The following ZSCAN30 variants were observed in gnomAD, a reference collection of about 807,000 sequenced individuals.
ZSCAN30 encodes zinc finger and SCAN domain containing 30.
In ZSCAN30, 37 loss-of-function variants were observed where a neutral mutation model predicts 44.3. The observed-to-expected ratio is 0.84, with a 90% CI of 0.64 to 1.10. The LOEUF (loss-of-function observed/expected upper bound fraction) is 1.10, where lower values mean the gene tolerates loss of function less well. ZSCAN30 is among the 50% of genes least tolerant of loss of function. ZSCAN30 has a pLI of 0.00. For missense variants in ZSCAN30, 549 were observed against 582.6 expected (o/e 0.94, Z 0.59); for synonymous variants, 181 against 204.6 (o/e 0.88, Z 0.98).
At chr18:35,280,540 A>T in intron 1 of ZSCAN30, among the ~76,000 whole-genome samples, 1 of 152,192 alleles carries the variant, frequency 6.6e-6, no homozygotes, top group East Asian at 1.9e-4. Flanking sequence ...AACTTTAAAG[A>T]TCTTGGGGAA....
chr18:35,264,971 C>A (rs545134026), intron 1 of ZSCAN30, among the ~76,000 whole-genome samples: 1 of 151,870 alleles, frequency 6.6e-6, no homozygotes, highest in Non-Finnish European at 1.5e-5. Context: ...ATGGTGAAAC[C>A]CCATCTCTAC....
chr18:35,273,810 T>C (rs1186561634), intron 1 of ZSCAN30, among the ~76,000 whole-genome samples: 1 of 152,254 alleles, frequency 6.6e-6, no homozygotes, highest in African/African-American at 2.4e-5. Context: ...AGCTTCTGGT[T>C]TTCCATCAAA....
At chr18:35,263,761 AT>A in intron 2 of ZSCAN30, 104 bp from the exon 3 acceptor site, 1 of 1,452,712 alleles carries the variant, frequency 6.9e-7, no homozygotes, top group Non-Finnish European at 9.4e-7. Flanking sequence ...CATTCAAATG[AT>A]TAGAGAGAAA....
intron 1 of ZSCAN30, chr18:35,281,852 T>C (rs1181182651): frequency 6.6e-6 from 1 of 150,824 alleles, no homozygotes; most frequent in Non-Finnish European, 1.5e-5. Context: ...GTTCCCAATG[T>C]AAGTCTCATC....
intron 1 of ZSCAN30, among the ~76,000 whole-genome samples, chr18:35,279,952 CA>C (rs1199643483): frequency 6.6e-6 from 1 of 152,116 alleles, no homozygotes; most frequent in East Asian, 1.9e-4. Context: ...CAATCCACAA[CA>C]ATGTGATTAA....
At chr18:35,270,537 G>C (rs566534891) in intron 1 of ZSCAN30, among the ~76,000 whole-genome samples, 13 of 152,144 alleles carry the variant, frequency 8.5e-5, no homozygotes, top group African/African-American at 3.1e-4. Flanking sequence ...TCTGTCATTG[G>C]ATTTTTTAAT....
chr18:35,285,872 A>C (rs2044541235), intron 1 of ZSCAN30, among the ~76,000 whole-genome samples: 1 of 152,168 alleles, frequency 6.6e-6, no homozygotes, highest in Non-Finnish European at 1.5e-5. Flanking sequence ...GTGGACATTA[A>C]TAGACCAGAA....
At chr18:35,267,798 C>T (rs771775176) in intron 1 of ZSCAN30, 11 of 152,132 alleles carry the variant, frequency 7.2e-5, no homozygotes, top group East Asian at 1.9e-4. Flanking sequence ...ATGTCGCGGG[C>T]TGGTATACCA....
chr18:35,283,561 T>TGTG (rs1219175734), intron 1 of ZSCAN30: 4 of 152,102 alleles, frequency 2.6e-5, no homozygotes, highest in African/African-American at 9.7e-5. Context: ...AGCGAAAGAG[T>TGTG]GTGGGGTCTG....
At chr18:35,269,277 C>T (rs1465510402) in intron 1 of ZSCAN30, 1 of 152,132 alleles carries the variant, frequency 6.6e-6, no homozygotes, top group Non-Finnish European at 1.5e-5. Flanking sequence ...TCATAATAAC[C>T]AGTGTTTGAC....
At chr18:35,271,646 G>C (rs930026521) in intron 1 of ZSCAN30, among the ~76,000 whole-genome samples, 7 of 152,252 alleles carry the variant, frequency 4.6e-5, no homozygotes, top group African/African-American at 1.7e-4. Flanking sequence ...CCTGCACCGC[G>C]TGCCTGCACT....
chr18:35,260,165 T>A (rs1375873895), intron 3 of ZSCAN30: 1 of 152,244 alleles, frequency 6.6e-6, no homozygotes, highest in Non-Finnish European at 1.5e-5. Flanking sequence ...TCAGGCTCCA[T>A]CTATGTCCCT....
At chr18:35,288,164 GC>G (rs1320633366) in intron 1 of ZSCAN30, among the ~76,000 whole-genome samples, 1 of 152,178 alleles carries the variant, frequency 6.6e-6, no homozygotes, top group Non-Finnish European at 1.5e-5. Context: ...TTGGGCCATG[GC>G]ACCTGGCCAC....
Position 35,251,654 on chromosome 18 carries a change from CTGAT to C in ZSCAN30, c.*1792_*1795del, listed in dbSNP as rs960417948. The C allele has an allele frequency of 3.3e-5, 5 of 152,258 alleles. No individual in the cohort carries two copies. The highest frequency in any genetic ancestry group is 1.9e-4 in the East Asian group (1 of 5,170). The allele number at this position is 152,258 out of a possible 1,614,324, so 9.4% of individuals were successfully genotyped here. On this transcript the variant is annotated 3_prime_UTR_variant, in exon 4 of 4. Transcript: ENST00000333206. ...GATAGTGAATTCTCATGAGATTTGG[CTGAT>C]TGATAAGTGCCTAGCATTTCCCCTG...
intron 3 of ZSCAN30, chr18:35,257,987 G>A (rs368832179): frequency 2.4e-5 from 19 of 780,748 alleles, no homozygotes; most frequent in African/African-American, 1.0e-4. Flanking sequence ...CATCTCAGGC[G>A]CTACTTCTGG....
rs1457038335 is a variant in ZSCAN30 at position 35,252,561 on chromosome 18, A to T, written c.*889T>A. 1.3e-5 allele frequency: 2 copies of T among 152,142 alleles called. No individual in the cohort carries two copies. The highest frequency in any genetic ancestry group is 2.9e-5 in the Non-Finnish European group (2 of 68,036). The allele number at this position is 152,142 out of a possible 1,614,324, so 9.4% of individuals were successfully genotyped here. Reference sequence around the variant, plus strand: ...CTGCAGTAGAGAAGAGTCTTCATGGAGTGTCTCCAGATCCTGTTCTCTTCT... The same window carrying T: ...CTGCAGTAGAGAAGAGTCTTCATGGTGTGTCTCCAGATCCTGTTCTCTTCT... On this transcript the variant is annotated 3_prime_UTR_variant, in exon 4 of 4. Coordinates refer to ENST00000333206, the MANE Select transcript of ZSCAN30 (RefSeq NM_001112734.4).
At position 35,251,425 on chromosome 18, in the gene ZSCAN30, C is replaced by G. The variant is rs1031538544; in HGVS notation, c.*2025G>C. ...AGATCCCTTTAGACTTCTGATCGAC[C>G]TCACTCGATAACTGCACAACCTCTG... On this transcript the variant is annotated 3_prime_UTR_variant, in exon 4 of 4. Transcript: ENST00000333206. 23 of 152,182 alleles carry G rather than the reference C, an allele frequency of 1.5e-4. No individual in the cohort carries two copies. The highest frequency in any genetic ancestry group is 5.1e-4 in the African/African-American group (21 of 41,418). The allele number at this position is 152,182 out of a possible 1,614,324, so 9.4% of individuals were successfully genotyped here. A position where few individuals can be genotyped will look rare whatever the true frequency, so the allele number is the denominator to read the frequency against.
At position 35,253,130 on chromosome 18, in the gene ZSCAN30, G is replaced by A. The variant is rs754735482; in HGVS notation, c.*320C>T. 1.9e-4 allele frequency: 40 copies of A among 210,614 alleles called. No individual in the cohort carries two copies. The highest frequency in any genetic ancestry group is 3.4e-4 in the Non-Finnish European group (36 of 104,942). The allele number at this position is 210,614 out of a possible 1,614,324, so 13.0% of individuals were successfully genotyped here. A position where few individuals can be genotyped will look rare whatever the true frequency, so the allele number is the denominator to read the frequency against. On this transcript the variant is annotated 3_prime_UTR_variant, in exon 4 of 4. Transcript: ENST00000333206. ...TCTCTGCCCCAATCCTGGCATTACT[G>A]TGAAGGTGCCCAATGGAAATTATAT...
intron 3 of ZSCAN30, chr18:35,257,899 C>T: frequency 2.6e-6 from 2 of 781,058 alleles, no homozygotes; most frequent in Non-Finnish European, 2.4e-6. Flanking sequence ...TTTTCCCTTC[C>T]TAATCCTGCT....
Sources: allele counts gnomAD v4.1 joint callset (sites outside exome capture counted in the v4.1 genomes callset), GRCh38; gene constraint gnomAD v4.1.1; transcripts MANE v1.5; gene names NCBI Gene and HGNC (gene_info 2026-07-23, HGNC 2026-07-21).